Variants in JPH4 observed in about 807,000 individuals in gnomAD.
JPH4 encodes the protein junctophilin-4.
A neutral mutation model predicts 57.6 loss-of-function variants in JPH4; 18 were observed. The observed-to-expected ratio is 0.31, with a 90% CI of 0.22 to 0.46. JPH4 has a LOEUF of 0.46. Among genes scored for constraint, JPH4 ranks in the 20% least tolerant of loss-of-function variants. The pLI, the probability that JPH4 is intolerant of heterozygous loss-of-function variation, is 1.00. For missense variants in JPH4, 727 were observed against 911.1 expected (o/e 0.80, Z 2.60); for synonymous variants, 425 against 406.6 (o/e 1.05, Z -0.54).
Position 23,575,983 on chromosome 14 carries a change from C to G in JPH4, c.853G>C (p.Glu285Gln). 6.6e-7 allele frequency: 1 copy of G among 1,512,740 alleles called. No homozygotes were observed. The highest frequency in any genetic ancestry group is 2.4e-5 in the East Asian group (1 of 41,412). The allele number at this position is 1,512,740 out of a possible 1,614,324, so 93.7% of individuals were successfully genotyped here. ...CCGCTGCGCCGATCTGCGCGCCACT[C>G]GCCCGCGTACACCTCTGTGGCCGAG... ...EGSATEVYAG[E>Q]WRADRRSGFG... Residue 285 changes from glutamate (E) to glutamine (Q), a missense_variant, in exon 3 of 6, where the codon GAG becomes CAG. Physicochemically the swap from Glu to Gln is conservative, Grantham distance 29. Transcript: ENST00000356300. The surrounding 1 kb of genome is among the most constrained non-coding windows in gnomAD (Gnocchi z 6.9).
rs1299348027 is a variant in JPH4 at position 23,571,047 on chromosome 14, T to A, written c.1684A>T (p.Thr562Ser). 6.2e-7 allele frequency: 1 copy of A among 1,607,538 alleles called. No homozygotes were observed. The highest frequency in any genetic ancestry group is 8.5e-7 in the Non-Finnish European group (1 of 1,176,598). ...PLPPLRAPAG[T>S]EPEPIAMLVL... ...AGCATGGCGATGGGCTCAGGCTCCGTGCCTGCTGGGGCCCTCAGCGGGGGC... is the reference window on the plus strand; with the variant it reads ...AGCATGGCGATGGGCTCAGGCTCCGAGCCTGCTGGGGCCCTCAGCGGGGGC... The change falls in exon 5 of 6, where the codon ACG becomes TCG. Residue 562 changes from threonine (T) to serine (S), a missense_variant. Physicochemically the swap from Thr to Ser is moderately conservative, Grantham distance 58 (BLOSUM62 1). Coordinates refer to ENST00000356300, the MANE Select transcript of JPH4 (RefSeq NM_001146028.2). The surrounding 1 kb of genome is among the most constrained non-coding windows in gnomAD (Gnocchi z 4.6).
At position 23,568,337 on chromosome 14, in the gene JPH4, G is replaced by C. The variant is rs1232104650; in HGVS notation, c.*1297C>G. On this transcript the variant is annotated 3_prime_UTR_variant, in exon 6 of 6. Coordinates refer to ENST00000356300, the MANE Select transcript of JPH4 (RefSeq NM_001146028.2). ...TGCCTCATGCAGGGGAGGGAGGAAA[G>C]ATCCCCTGGGGACCCTGCAGTCCCC... 1 of 985,714 alleles carries C rather than the reference G, an allele frequency of 1.0e-6. No individual in the cohort carries two copies. The highest frequency in any genetic ancestry group is 1.7e-5 in the African/African-American group (1 of 57,218). The allele number at this position is 985,714 out of a possible 1,614,324, so 61.1% of individuals were successfully genotyped here. A position where few individuals can be genotyped will look rare whatever the true frequency, so the allele number is the denominator to read the frequency against.
Position 23,575,548 on chromosome 14 carries a change from C to T in JPH4, c.1151+137G>A. On this transcript the variant is annotated intron_variant, in intron 3 of 5. Transcript: ENST00000356300. The surrounding 1 kb of genome is among the most constrained non-coding windows in gnomAD (Gnocchi z 6.9). ...TAAACACCAAGAATGCCCAGGGGTC[C>T]AACTGCCTGGCCTTAGGCTTGCAAT... is the stretch of plus-strand genomic sequence containing the variant. 1.7e-6 allele frequency: 2 copies of T among 1,144,496 alleles called. 1 individual carries two copies. The highest frequency in any genetic ancestry group is 2.9e-5 in the South Asian group (2 of 68,680). The allele number at this position is 1,144,496 out of a possible 1,614,324, so 70.9% of individuals were successfully genotyped here.
In JPH4 at chr14:23,568,445, A is replaced by C; in HGVS notation, c.*1189T>G. On this transcript the variant is annotated 3_prime_UTR_variant, in exon 6 of 6. Coordinates refer to ENST00000356300, the MANE Select transcript of JPH4 (RefSeq NM_001146028.2). Reference sequence around the variant, plus strand: ...CAACCTCAAACAGGGCTCTCCACCCACCTGTCACCCGGGTTTGACTCCCAC... The same window carrying C: ...CAACCTCAAACAGGGCTCTCCACCCCCCTGTCACCCGGGTTTGACTCCCAC... 8.1e-6 allele frequency: 8 copies of C among 985,662 alleles called. No individual in the cohort carries two copies. Among genetic ancestry groups the C allele is most frequent in the Non-Finnish European group, 8.4e-6 (7 of 829,952 alleles). 61.1% of individuals were successfully genotyped at this position (985,662 alleles called of 1,614,324 possible). A position where few individuals can be genotyped will look rare whatever the true frequency, so the allele number is the denominator to read the frequency against.
rs1158169763 is a variant in JPH4 at position 23,571,954 on chromosome 14, T to A, written c.1152-34A>T. The A allele has an allele frequency of 6.3e-7, 1 of 1,587,212 alleles. No homozygotes were observed. The highest frequency in any genetic ancestry group is 8.6e-7 in the Non-Finnish European group (1 of 1,162,630). ...TCCAGAGACAGGGATTTAGCAGAAC[T>A]TCCCCCACTTCAAGTTAGTCCCTGC... On this transcript the variant is annotated intron_variant, in intron 3 of 5. Transcript: ENST00000356300. The surrounding 1 kb of genome is among the most constrained non-coding windows in gnomAD (Gnocchi z 4.6).
chr14:23,575,274 T>C lies in JPH4; in HGVS notation c.1151+411A>G, dbSNP rs1466037939. 2 of 240,398 alleles carry C rather than the reference T, an allele frequency of 8.3e-6. No homozygotes were observed. Among genetic ancestry groups the C allele is most frequent in the African/African-American group, 2.2e-5 (1 of 44,572 alleles). 14.9% of individuals were successfully genotyped at this position (240,398 alleles called of 1,614,324 possible). A position where few individuals can be genotyped will look rare whatever the true frequency, so the allele number is the denominator to read the frequency against. The stretch of plus-strand genomic sequence containing the variant: ...CAGTCCCTATTCCACCCAGGGTTGA[T>C]GCTCCCAGCCTGAGGCCTGGAGGCT... On this transcript the variant is annotated intron_variant, in intron 3 of 5. Transcript: ENST00000356300. The surrounding 1 kb of genome is among the most constrained non-coding windows in gnomAD (Gnocchi z 6.9).
chr14:23,576,552 G>A lies in JPH4; in HGVS notation c.380-96C>T. ...GCGCCCCTGGAAGCCCAAGCGTCAG[G>A]CGGGAGAGATGGAGGCAGTTAGTGT... On this transcript the variant is annotated intron_variant, in intron 2 of 5. Coordinates refer to ENST00000356300, the MANE Select transcript of JPH4 (RefSeq NM_001146028.2). The surrounding 1 kb of genome is among the most constrained non-coding windows in gnomAD (Gnocchi z 8.0). 9.1e-7 allele frequency: 1 copy of A among 1,098,680 alleles called. No individual in the cohort carries two copies. Among genetic ancestry groups the A allele is most frequent in the Non-Finnish European group, 1.2e-6 (1 of 847,912 alleles). 68.1% of individuals were successfully genotyped at this position (1,098,680 alleles called of 1,614,324 possible).
intron 3 of JPH4, chr14:23,572,982 T>C (rs1889190303): frequency 1.4e-6 from 1 of 702,074 alleles, no homozygotes; most frequent in African/African-American, 1.7e-5. Context: ...TTGTCATCCT[T>C]AAATGAGTTC....
At position 23,569,552 on chromosome 14, in the gene JPH4, A is replaced by T; in HGVS notation, c.*82T>A. On this transcript the variant is annotated 3_prime_UTR_variant, in exon 6 of 6. Coordinates refer to ENST00000356300, the MANE Select transcript of JPH4 (RefSeq NM_001146028.2). This position sits in a 1 kb window ranked among gnomAD's most constrained non-coding sequence, Gnocchi z 4.8. ...AAGAAAGATAGGAGAAAACACAGCCAGGAAGAGGAGAAGAGAAAAAAGGCA... is the reference window on the plus strand; with the variant it reads ...AAGAAAGATAGGAGAAAACACAGCCTGGAAGAGGAGAAGAGAAAAAAGGCA... The T allele has an allele frequency of 1.1e-6, 1 of 869,758 alleles. No homozygotes were observed. Among genetic ancestry groups the T allele is most frequent in the East Asian group, 2.6e-5 (1 of 37,862 alleles). The allele number at this position is 869,758 out of a possible 1,614,324, so 53.9% of individuals were successfully genotyped here.
intron 5 of JPH4, among the ~76,000 whole-genome samples, chr14:23,570,098 C>G (rs1311683273): frequency 1.3e-5 from 2 of 152,172 alleles, no homozygotes; most frequent in Non-Finnish European, 2.9e-5. Flanking sequence ...AGAGCCCAAT[C>G]AGAGTAGAGG....
Position 23,569,761 on chromosome 14 carries a change from G to A in JPH4, c.1804-44C>T, listed in dbSNP as rs1380534674. ...AAGCAGACTCAGTCCCCGAGGACAG[G>A]GCCCACCTTCCTGCCCTGACTGAGG... On this transcript the variant is annotated intron_variant, in intron 5 of 5. Transcript: ENST00000356300. The surrounding 1 kb of genome is among the most constrained non-coding windows in gnomAD (Gnocchi z 4.8). 8.1e-6 allele frequency: 11 copies of A among 1,358,202 alleles called. No homozygotes were observed. In the Admixed American group the frequency reaches 1.2e-4, roughly 15 times the overall value. 84.1% of individuals were successfully genotyped at this position (1,358,202 alleles called of 1,614,324 possible). A position where few individuals can be genotyped will look rare whatever the true frequency, so the allele number is the denominator to read the frequency against.
In JPH4 at chr14:23,568,769, G is replaced by A; in HGVS notation, c.*865C>T. The A allele has an allele frequency of 1.0e-6, 1 of 985,526 alleles. No individual in the cohort carries two copies. Among genetic ancestry groups the A allele is most frequent in the Non-Finnish European group, 1.2e-6 (1 of 829,872 alleles). 61.0% of individuals were successfully genotyped at this position (985,526 alleles called of 1,614,324 possible). A position where few individuals can be genotyped will look rare whatever the true frequency, so the allele number is the denominator to read the frequency against. ...CAGGCCCCTTAGGAATTTAATCAAA[G>A]GCCACAAGTGAGTCCAGACCAACCA... is the stretch of plus-strand genomic sequence containing the variant. On this transcript the variant is annotated 3_prime_UTR_variant, in exon 6 of 6. Coordinates refer to ENST00000356300, the MANE Select transcript of JPH4 (RefSeq NM_001146028.2).
In JPH4 at chr14:23,576,509, T is replaced by C; in HGVS notation, c.380-53A>G. 1 of 1,331,384 alleles carries C rather than the reference T, an allele frequency of 7.5e-7. No individual in the cohort carries two copies. Among genetic ancestry groups the C allele is most frequent in the Non-Finnish European group, 9.6e-7 (1 of 1,040,134 alleles). The allele number at this position is 1,331,384 out of a possible 1,614,324, so 82.5% of individuals were successfully genotyped here. ...GAGTCAGGACGTGCCGCTGGGCTCC[T>C]TGCGCCCCAAGTCCCAAGCGCCCCT... On this transcript the variant is annotated intron_variant, in intron 2 of 5. Transcript: ENST00000356300. The surrounding 1 kb of genome is among the most constrained non-coding windows in gnomAD (Gnocchi z 8.0).
Position 23,569,746 on chromosome 14 carries a change from A to C in JPH4, c.1804-29T>G. ...GAGAGACAGAGGGGGAAGCAGACTCAGTCCCCGAGGACAGGGCCCACCTTC... is the reference window on the plus strand; with the variant it reads ...GAGAGACAGAGGGGGAAGCAGACTCCGTCCCCGAGGACAGGGCCCACCTTC... On this transcript the variant is annotated intron_variant, in intron 5 of 5. Coordinates refer to ENST00000356300, the MANE Select transcript of JPH4 (RefSeq NM_001146028.2). This position sits in a 1 kb window ranked among gnomAD's most constrained non-coding sequence, Gnocchi z 4.8. The C allele has an allele frequency of 6.7e-7, 1 of 1,483,518 alleles. No individual in the cohort carries two copies. The highest frequency in any genetic ancestry group is 9.2e-7 in the Non-Finnish European group (1 of 1,089,638). The allele number at this position is 1,483,518 out of a possible 1,614,324, so 91.9% of individuals were successfully genotyped here.
intron 3 of JPH4, chr14:23,573,104 C>T (rs1285892792): frequency 9.7e-6 from 6 of 616,120 alleles, no homozygotes; most frequent in African/African-American, 1.8e-5. Flanking sequence ...GGCCTGTTCT[C>T]TCTGGCTCAG....
Position 23,570,929 on chromosome 14 carries a change from G to A in JPH4, c.1802C>T (p.Pro601Leu), listed in dbSNP as rs755206550. The A allele has an allele frequency of 2.7e-5, 40 of 1,508,042 alleles. No individual in the cohort carries two copies. The highest frequency in any genetic ancestry group is 1.2e-4 in the South Asian group (9 of 74,144). The allele number at this position is 1,508,042 out of a possible 1,614,324, so 93.4% of individuals were successfully genotyped here. ...CACAGCAGGGACAGAGGATCTCACC[G>A]GCTGGGCAGGCCTCTCGGTTGCAGC... ...EPAATERPAQPGAANPLVVGA... is the reference protein window; with the variant it reads ...EPAATERPAQLGAANPLVVGA... Residue 601 changes from proline to leucine, a missense_variant and splice_region_variant, in exon 5 of 6, where the codon CCG becomes CTG. Transcript: ENST00000356300.
intron 5 of JPH4, among the ~76,000 whole-genome samples, chr14:23,570,279 T>G (rs2139460980): frequency 1.3e-5 from 2 of 149,532 alleles, no homozygotes; most frequent in East Asian, 2.0e-4. Flanking sequence ...AGTAGGAAAC[T>G]GAGAGCTGGA....
In JPH4 at chr14:23,569,495, CAAAG is replaced by C. The variant is rs1001303250; in HGVS notation, c.*135_*138del. 3.1e-5 allele frequency: 21 copies of C among 680,166 alleles called. No individual in the cohort carries two copies. In the Admixed American group the frequency reaches 3.9e-4, roughly 13 times the overall value. The allele number at this position is 680,166 out of a possible 1,614,324, so 42.1% of individuals were successfully genotyped here. On this transcript the variant is annotated 3_prime_UTR_variant, in exon 6 of 6. Coordinates refer to ENST00000356300, the MANE Select transcript of JPH4 (RefSeq NM_001146028.2). The surrounding 1 kb of genome is among the most constrained non-coding windows in gnomAD (Gnocchi z 4.8). ...GGAAAGAAAAAGCGAGAGAAAAAAA[CAAAG>C]GAGCACAGAAAAGAAAGGAAGAAGA...
In JPH4 at chr14:23,577,471, CCTCAGCCCCCCGGCGG is replaced by C. The variant is rs779354233; in HGVS notation, c.-34_-19del. 32 of 1,396,666 alleles carry C rather than the reference CCTCAGCCCCCCGGCGG, an allele frequency of 2.3e-5. No individual in the cohort carries two copies. In the African/African-American group the frequency reaches 4.1e-4, roughly 18 times the overall value. The allele number at this position is 1,396,666 out of a possible 1,614,324, so 86.5% of individuals were successfully genotyped here. On this transcript the variant is annotated 5_prime_UTR_variant, in exon 2 of 6. An upstream open reading frame in the 5' UTR loses its in-frame stop. Transcript: ENST00000356300. This position sits in a 1 kb window ranked among gnomAD's most constrained non-coding sequence, Gnocchi z 8.4. ...GGGGACATGCATGTAGTTGGCGCGG[CCTCAGCCCCCCGGCGG>C]CTCAGCGCATCCTGGGACTGGAGAG...
Sources: allele counts gnomAD v4.1 joint callset (sites outside exome capture counted in the v4.1 genomes callset), GRCh38; gene constraint gnomAD v4.1.1; non-coding constraint Gnocchi (gnomAD v3.1); transcripts MANE v1.5; gene names NCBI Gene and HGNC (gene_info 2026-07-23, HGNC 2026-07-21).